Variants in KATNIP observed in about 807,000 individuals in gnomAD.
KATNIP encodes the protein katanin-interacting protein.
KATNIP carries 126 observed loss-of-function variants against 174.0 expected under a neutral mutation model. The ratio of observed to expected loss-of-function variants is 0.72; its 90% confidence interval spans 0.63 to 0.84. KATNIP has a LOEUF of 0.84. Ranked by LOEUF, KATNIP falls within the 40% of genes least tolerant of loss-of-function variation. The pLI is 0.00. For synonymous variants in KATNIP, 810 were observed against 835.7 expected (o/e 0.97, Z 0.53); for missense variants, 1,958 against 2,109.7 (o/e 0.93, Z 1.41).
In KATNIP at chr16:27,651,524, C is replaced by T. The variant is rs114380195; in HGVS notation, c.540+2789C>T. 5.4e-3 allele frequency among the ~76,000 whole-genome samples: 820 copies of T among 152,248 alleles called. 13 individuals are homozygous for T. The highest frequency in any genetic ancestry group is 0.019 in the African/African-American group (787 of 41,530). On this transcript the variant is annotated intron_variant, in intron 6 of 27. Coordinates refer to ENST00000261588, the MANE Select transcript of KATNIP (RefSeq NM_015202.5). Reference sequence around the variant, plus strand: ...AATGGAGCAAGAGGAAATGCATGTCCGCATATGTACTTTTCATCTGACCTT... The same window carrying T: ...AATGGAGCAAGAGGAAATGCATGTCTGCATATGTACTTTTCATCTGACCTT...
Position 27,698,313 on chromosome 16 carries a change from G to C in KATNIP, c.941-15G>C. 1 of 1,598,112 alleles carries C rather than the reference G, an allele frequency of 6.3e-7. No homozygotes were observed. Among genetic ancestry groups the C allele is most frequent in the Non-Finnish European group, 8.5e-7 (1 of 1,169,756 alleles). On this transcript the variant is annotated splice_polypyrimidine_tract_variant and intron_variant, in intron 8 of 27. Coordinates refer to ENST00000261588, the MANE Select transcript of KATNIP (RefSeq NM_015202.5). ...ATATAATCTAAAAGAACGTCCCCCT[G>C]TCTTCTGCCCTCAGGACCTGGAAGC...
At chr16:27,704,060 C>T (rs935535073) in intron 12 of KATNIP, 62 bp downstream of exon 12, 9 of 1,284,708 alleles carry the variant, frequency 7.0e-6, no homozygotes, top group South Asian at 1.2e-5. Flanking sequence ...ACAGGCATTT[C>T]GCATCAGTGA....
intron 6 of KATNIP, among the ~76,000 whole-genome samples, chr16:27,649,913 C>A (rs2077066719): frequency 1.3e-5 from 2 of 152,138 alleles, no homozygotes; most frequent in African/African-American, 4.8e-5. Flanking sequence ...CTGTGGCTCA[C>A]GCCTGTAATC....
intron 2 of KATNIP, among the ~76,000 whole-genome samples, chr16:27,596,829 C>G (rs1344650699): frequency 6.6e-6 from 1 of 152,080 alleles, no homozygotes; most frequent in South Asian, 2.1e-4. Context: ...TCAAGACCAG[C>G]CTGGGCAACA....
In KATNIP at chr16:27,620,585, A is replaced by G. The variant is rs74781717; in HGVS notation, c.140+2084A>G. Among the ~76,000 whole-genome samples, 113 of 152,314 alleles carry G rather than the reference A, an allele frequency of 7.4e-4. 2 individuals are homozygous for G. The East Asian group carries it at 0.018, about 24-fold the overall frequency. ...AACCTGCCGGATTGCCAGTGGCCCT[A>G]TGTTAAGTGAGGAGGGGTTTTGTGG... On this transcript the variant is annotated intron_variant, in intron 3 of 27. Coordinates refer to ENST00000261588, the MANE Select transcript of KATNIP (RefSeq NM_015202.5).
chr16:27,720,382 C>T (rs2080170775), intron 13 of KATNIP, among the ~76,000 whole-genome samples: 1 of 152,100 alleles, frequency 6.6e-6, no homozygotes, highest in African/African-American at 2.4e-5. Context: ...TAAGCCACAG[C>T]ACCTGGCCTA....
At position 27,770,147 on chromosome 16, in the gene KATNIP, T is replaced by G. The variant is rs969117044; in HGVS notation, c.4133+129T>G. 6.3e-6 allele frequency: 7 copies of G among 1,104,034 alleles called. No homozygotes were observed. The African/African-American group carries it at 1.1e-4, about 17-fold the overall frequency. The allele number at this position is 1,104,034 out of a possible 1,614,324, so 68.4% of individuals were successfully genotyped here. A position where few individuals can be genotyped will look rare whatever the true frequency, so the allele number is the denominator to read the frequency against. On this transcript the variant is annotated intron_variant, in intron 21 of 27. Coordinates refer to ENST00000261588, the MANE Select transcript of KATNIP (RefSeq NM_015202.5). ...TCAAACGCATTGCTTTTCAACTTAG[T>G]CATTTTCTAAAGCTCAGCCAAGCCT... is the stretch of plus-strand genomic sequence containing the variant.
chr16:27,639,713 T>C (rs1322068563), intron 5 of KATNIP, among the ~76,000 whole-genome samples: 3 of 152,306 alleles, frequency 2.0e-5, no homozygotes, highest in South Asian at 2.1e-4. Flanking sequence ...ATGGGAAGTG[T>C]TGGGGGCCCT....
intron 19 of KATNIP, among the ~76,000 whole-genome samples, chr16:27,762,927 C>T (rs1326402872): frequency 3.9e-5 from 6 of 152,206 alleles, no homozygotes; most frequent in African/African-American, 1.2e-4. Context: ...GTTGGCAAAT[C>T]CCAGGCCTGA....
chr16:27,592,446 G>A (rs2075206015), intron 2 of KATNIP, among the ~76,000 whole-genome samples: 1 of 151,650 alleles, frequency 6.6e-6, no homozygotes, highest in Non-Finnish European at 1.5e-5. Context: ...GTAAAGCCCT[G>A]TCTCTACAAA....
At chr16:27,573,878 G>C in intron 1 of KATNIP, 23 bp from the exon 2 acceptor site, 1 of 1,613,600 alleles carries the variant, frequency 6.2e-7, no homozygotes, top group South Asian at 1.1e-5. Context: ...CTTAATCTTG[G>C]TTCTGCTTTT....
intron 15 of KATNIP, among the ~76,000 whole-genome samples, chr16:27,746,361 G>T (rs943375678): frequency 2.6e-5 from 4 of 152,222 alleles, no homozygotes; most frequent in African/African-American, 9.7e-5. Context: ...CATCTGGGTA[G>T]TTCCTTCTGC....
rs976662400 is a variant in KATNIP at position 27,637,496 on chromosome 16, C to T, written c.408+6334C>T. ...GACAGCAGCCTGAAAGAGAAGCTGT[C>T]GGGGGAGCGCTCCTTCAGCGAAGGT... On this transcript the variant is annotated intron_variant, in intron 5 of 27. Coordinates refer to ENST00000261588, the MANE Select transcript of KATNIP (RefSeq NM_015202.5). The surrounding 1 kb of genome is among the most constrained non-coding windows in gnomAD (Gnocchi z 4.7). Among the ~76,000 whole-genome samples the T allele has an allele frequency of 2.0e-5, 3 of 152,064 alleles. No individual in the cohort carries two copies. Among genetic ancestry groups the T allele is most frequent in the Non-Finnish European group, 1.5e-5 (1 of 68,006 alleles).
chr16:27,613,871 T>C (rs1327314501), intron 2 of KATNIP, among the ~76,000 whole-genome samples: 2 of 152,180 alleles, frequency 1.3e-5, no homozygotes, highest in African/African-American at 4.8e-5. Context: ...GTAGCCTCTG[T>C]AGGCACCTCC....
chr16:27,555,466 G>A (rs2089579367), intron 1 of KATNIP, among the ~76,000 whole-genome samples: 1 of 152,192 alleles, frequency 6.6e-6, no homozygotes, highest in Admixed American at 6.6e-5. Context: ...TTTCCTGTCA[G>A]TAAAATGGAC....
At chr16:27,774,178 G>A (rs1170242384) in intron 23 of KATNIP, among the ~76,000 whole-genome samples, 1 of 152,156 alleles carries the variant, frequency 6.6e-6, no homozygotes, top group African/African-American at 2.4e-5. Flanking sequence ...GCATCTGTTT[G>A]GGGTCCCTGG....
intron 13 of KATNIP, among the ~76,000 whole-genome samples, chr16:27,716,788 C>G (rs1272461068): frequency 1.3e-5 from 2 of 152,136 alleles, no homozygotes; most frequent in African/African-American, 4.8e-5. Context: ...CTGATCTGTT[C>G]CTCTACCTAC....
intron 13 of KATNIP, among the ~76,000 whole-genome samples, chr16:27,717,971 T>C (rs1010585611): frequency 1.3e-5 from 2 of 152,256 alleles, no homozygotes; most frequent in Admixed American, 1.3e-4. Context: ...CTTGAAAACA[T>C]ACCCTTTATG....
chr16:27,556,965 A>G (rs2089652646), intron 1 of KATNIP, among the ~76,000 whole-genome samples: 1 of 152,066 alleles, frequency 6.6e-6, no homozygotes, highest in African/African-American at 2.4e-5. Context: ...TTTAACTTAT[A>G]GGAAGTCGGC....
Sources: gnomAD v4.1 joint callset for allele counts (sites outside exome capture counted in the v4.1 genomes callset) on GRCh38, gnomAD v4.1.1 for gene constraint, Gnocchi (gnomAD v3.1) non-coding constraint, MANE v1.5 for transcripts, NCBI Gene and HGNC (gene_info 2026-07-23, HGNC 2026-07-21) for gene names.